SLC24A2: variants seen among roughly 807,000 people sequenced by gnomAD.
SLC24A2 encodes sodium/potassium/calcium exchanger 2.
In SLC24A2, 36 loss-of-function variants were observed where a neutral mutation model predicts 62.0. That is an observed-to-expected ratio of 0.58 (90% CI 0.44 to 0.77). The LOEUF is 0.77. SLC24A2 is among the 30% of genes least tolerant of loss of function. The pLI, the probability that SLC24A2 is intolerant of heterozygous loss-of-function variation, is 0.00. For missense variants in SLC24A2, 846 were observed against 817.9 expected (o/e 1.03, Z -0.42); for synonymous variants, 358 against 294.0 (o/e 1.22, Z -2.23).
chr9:19,903,323 CAG>C, the SLC24A2 span, among the ~76,000 whole-genome samples: 142 of 151,484 alleles, frequency 9.4e-4, 1 homozygote, highest in African/African-American at 3.0e-3. Flanking sequence ...CAGAGAGAAA[CAG>C]AGAGAGAGAG....
chr9:19,932,368 C>T, the SLC24A2 span, among the ~76,000 whole-genome samples: 7 of 152,212 alleles, frequency 4.6e-5, no homozygotes, highest in East Asian at 1.9e-4. Flanking sequence ...TGTTGTCTTA[C>T]GTGGAGCTTC....
At chr9:19,965,207 T>C in the SLC24A2 span, among the ~76,000 whole-genome samples, 1 of 152,056 alleles carries the variant, frequency 6.6e-6, no homozygotes, top group Admixed American at 6.6e-5. Context: ...CCAATCAGAA[T>C]GAATCATTAC....
chr9:20,082,992 A>T, the SLC24A2 span, among the ~76,000 whole-genome samples: 3 of 152,210 alleles, frequency 2.0e-5, no homozygotes, highest in Admixed American at 1.3e-4. Context: ...TTTTCTTGGC[A>T]TGAATGCCCT....
At chr9:19,858,795 A>G in the SLC24A2 span, among the ~76,000 whole-genome samples, 1 of 152,202 alleles carries the variant, frequency 6.6e-6, no homozygotes, top group Non-Finnish European at 1.5e-5. Context: ...CAAAACCACA[A>G]TGAGAGACCA....
chr9:19,959,506 T>G, the SLC24A2 span, among the ~76,000 whole-genome samples: 3 of 152,222 alleles, frequency 2.0e-5, no homozygotes, highest in Non-Finnish European at 4.4e-5. Flanking sequence ...GTCTATAAAT[T>G]TGGTTCCTAC....
At chr9:19,976,698 T>C in the SLC24A2 span, among the ~76,000 whole-genome samples, 1 of 152,218 alleles carries the variant, frequency 6.6e-6, no homozygotes, top group Non-Finnish European at 1.5e-5. Context: ...ATGCAAATAG[T>C]CCACCATTTG....
the SLC24A2 span, among the ~76,000 whole-genome samples, chr9:20,264,105 A>G: frequency 0.017 from 2,604 of 152,216 alleles, 54 homozygotes; most frequent in South Asian, 0.06. Flanking sequence ...CCCAAGCAAC[A>G]CAAAGCATTG....
intron 2 of SLC24A2, among the ~76,000 whole-genome samples, chr9:19,759,844 C>T (rs1195198431): frequency 4.6e-5 from 7 of 152,144 alleles, no homozygotes; most frequent in African/African-American, 1.4e-4. Flanking sequence ...AGTGAGTGAA[C>T]CACCCTTGAG....
chr9:19,827,481 C>G, the SLC24A2 span, among the ~76,000 whole-genome samples: 1 of 151,824 alleles, frequency 6.6e-6, no homozygotes, highest in Non-Finnish European at 1.5e-5. Context: ...CAAATACTTA[C>G]CAGTGGTAAT....
At chr9:19,595,046 T>G (rs1195856321) in intron 5 of SLC24A2, among the ~76,000 whole-genome samples, 1 of 152,230 alleles carries the variant, frequency 6.6e-6, no homozygotes, top group Non-Finnish European at 1.5e-5. Flanking sequence ...TTTAAAAATC[T>G]TTCAGAGGTT....
chr9:20,206,095 T>G, the SLC24A2 span, among the ~76,000 whole-genome samples: 1 of 152,238 alleles, frequency 6.6e-6, no homozygotes, highest in South Asian at 2.1e-4. Context: ...CAATAAATTT[T>G]TATGTGACAG....
At chr9:20,304,346 G>A in the SLC24A2 span, among the ~76,000 whole-genome samples, 2 of 152,044 alleles carry the variant, frequency 1.3e-5, no homozygotes, top group Non-Finnish European at 2.9e-5. Context: ...CTGACCATCT[G>A]GCCTGAGTGA....
intron 2 of SLC24A2, among the ~76,000 whole-genome samples, chr9:19,700,784 T>C (rs1332414263): frequency 6.6e-6 from 1 of 152,214 alleles, no homozygotes; most frequent in Non-Finnish European, 1.5e-5. Flanking sequence ...GTTTCTGTAG[T>C]GTCAACTGAC....
chr9:19,926,181 G>C, the SLC24A2 span: 3 of 152,396 alleles, frequency 2.0e-5, no homozygotes, highest in South Asian at 6.2e-4. Flanking sequence ...TAGATGGCGG[G>C]AGAGGACTGA....
the SLC24A2 span, among the ~76,000 whole-genome samples, chr9:19,881,653 G>A: frequency 6.6e-6 from 1 of 152,138 alleles, no homozygotes; most frequent in Non-Finnish European, 1.5e-5. Context: ...CACTTATTTA[G>A]TGGAATGTTA....
At chr9:19,835,871 A>G in the SLC24A2 span, among the ~76,000 whole-genome samples, 1 of 151,568 alleles carries the variant, frequency 6.6e-6, no homozygotes, top group Non-Finnish European at 1.5e-5. Flanking sequence ...ATTACAACAA[A>G]CTGTCTCTTA....
the SLC24A2 span, among the ~76,000 whole-genome samples, chr9:20,177,958 C>T: frequency 6.6e-6 from 1 of 152,088 alleles, no homozygotes; most frequent in African/African-American, 2.4e-5. Flanking sequence ...ATCTATCTGC[C>T]TCCTTACTTT....
the SLC24A2 span, among the ~76,000 whole-genome samples, chr9:20,181,401 G>A: frequency 1.3e-5 from 2 of 152,132 alleles, no homozygotes; most frequent in Non-Finnish European, 2.9e-5. Flanking sequence ...CAGGGTTACA[G>A]TCACCAAAAC....
At chr9:19,847,030 AATGCAG>A in the SLC24A2 span, among the ~76,000 whole-genome samples, 1 of 152,166 alleles carries the variant, frequency 6.6e-6, no homozygotes, top group Non-Finnish European at 1.5e-5. Flanking sequence ...TCTTAAAAAA[AATGCAG>A]ATCTGGCTTA....
Sources: allele counts gnomAD v4.1 joint callset (sites outside exome capture counted in the v4.1 genomes callset), GRCh38; gene constraint gnomAD v4.1.1; transcripts MANE v1.5; gene names NCBI Gene and HGNC (gene_info 2026-07-23, HGNC 2026-07-21).